The following RAD51B variants were observed in gnomAD, a reference collection of about 807,000 sequenced individuals.
The protein encoded by RAD51B is RAD51 paralog B.
RAD51B carries 38 observed loss-of-function variants against 42.2 expected under a neutral mutation model. The observed-to-expected ratio is 0.90, with a 90% CI of 0.70 to 1.18. RAD51B has a LOEUF of 1.18. Ranked by LOEUF, RAD51B falls within the 50% of genes most tolerant of loss-of-function variation. RAD51B has a pLI of 0.00. For synonymous variants in RAD51B, 154 were observed against 145.2 expected, an observed-to-expected ratio of 1.06 and a Z score of -0.43; for missense variants, 373 against 400.7, an observed-to-expected ratio of 0.93 and a Z score of 0.59.
At chr14:68,472,744 A>C (rs189730829) in intron 10 of RAD51B, among the ~76,000 whole-genome samples, 1 of 152,346 alleles carries the variant, frequency 6.6e-6, no homozygotes, top group African/African-American at 2.4e-5. Flanking sequence ...ACCCTGAGAC[A>C]GGTCCGGAGA....
intron 4 of RAD51B, among the ~76,000 whole-genome samples, chr14:67,861,572 T>C (rs1373219005): frequency 7.6e-6 from 1 of 132,232 alleles, no homozygotes; most frequent in African/African-American, 2.8e-5. Context: ...TGAGAACCTG[T>C]CTTTAAAAAA....
intron 10 of RAD51B, among the ~76,000 whole-genome samples, chr14:68,539,379 A>G (rs1344477427): frequency 6.6e-6 from 1 of 152,022 alleles, no homozygotes; most frequent in Non-Finnish European, 1.5e-5. Flanking sequence ...GCCCCCAGCC[A>G]CAGCCTCCTT....
intron 10 of RAD51B, among the ~76,000 whole-genome samples, chr14:68,641,839 G>A (rs11158756): frequency 0.2 from 29,486 of 150,822 alleles, 3,031 homozygotes; most frequent in South Asian, 0.24. Flanking sequence ...GGGATTATAG[G>A]TGTGAGCCAC....
At chr14:67,937,334 T>A (rs946582365) in intron 7 of RAD51B, among the ~76,000 whole-genome samples, 31 of 152,154 alleles carry the variant, frequency 2.0e-4, no homozygotes, top group Admixed American at 1.6e-3. Context: ...TGATAGGGAT[T>A]GGGGTAGTGA....
chr14:68,467,912 T>G (rs1265276034), intron 9 of RAD51B, among the ~76,000 whole-genome samples: 1 of 152,228 alleles, frequency 6.6e-6, no homozygotes, highest in Non-Finnish European at 1.5e-5. Context: ...ATAATGAGAC[T>G]TATTTCTAGA....
At chr14:68,604,251 C>G (rs985566285) in intron 10 of RAD51B, among the ~76,000 whole-genome samples, 1 of 151,844 alleles carries the variant, frequency 6.6e-6, no homozygotes, top group Non-Finnish European at 1.5e-5. Flanking sequence ...GCTGAAACTC[C>G]GAGAAACTCC....
intron 9 of RAD51B, among the ~76,000 whole-genome samples, chr14:68,457,848 C>G (rs1450860994): frequency 7.0e-6 from 1 of 143,470 alleles, no homozygotes. Context: ...CTCCTGACCT[C>G]GTGATACGCC....
At chr14:68,599,416 C>G (rs1359079908), downstream of RAD51B, among the ~76,000 whole-genome samples, 2 of 152,118 alleles carry the variant, frequency 1.3e-5, no homozygotes. Context: ...GTAGAGGAAC[C>G]GTGGGGTGAG....
chr14:67,828,314 C>G (rs1034949829), intron 3 of RAD51B, among the ~76,000 whole-genome samples: 6 of 149,370 alleles, frequency 4.0e-5, no homozygotes, highest in Non-Finnish European at 7.4e-5. Context: ...TGTTCATGTT[C>G]TTAGCCCACT....
intron 7 of RAD51B, among the ~76,000 whole-genome samples, chr14:68,217,608 T>C (rs2079842784): frequency 6.6e-6 from 1 of 152,186 alleles, no homozygotes; most frequent in Non-Finnish European, 1.5e-5. Flanking sequence ...GGGTCTGTTC[T>C]GAACACTGAA....
intron 10 of RAD51B, among the ~76,000 whole-genome samples, chr14:68,602,851 C>T (rs1408152004): frequency 6.6e-6 from 1 of 152,182 alleles, no homozygotes; most frequent in Non-Finnish European, 1.5e-5. Flanking sequence ...TCATGCTTTT[C>T]ATCTGGTCAG....
At chr14:68,331,912 G>C (rs2082359369) in intron 8 of RAD51B, among the ~76,000 whole-genome samples, 1 of 150,510 alleles carries the variant, frequency 6.6e-6, no homozygotes, top group African/African-American at 2.5e-5. Flanking sequence ...GCTGAATATG[G>C]TGATTTTGAT....
At chr14:67,976,699 G>A (rs1205333783) in intron 7 of RAD51B, among the ~76,000 whole-genome samples, 1 of 151,972 alleles carries the variant, frequency 6.6e-6, no homozygotes, top group Non-Finnish European at 1.5e-5. Context: ...GGCAACAAAA[G>A]CCAAAATTGA....
At chr14:67,870,433 A>G (rs1052068441) in intron 5 of RAD51B, among the ~76,000 whole-genome samples, 1 of 148,190 alleles carries the variant, frequency 6.7e-6, no homozygotes, top group South Asian at 2.2e-4. Context: ...CAGATTCATA[A>G]TGCAAGTCCT....
chr14:67,923,021 C>T (rs2044378743), intron 7 of RAD51B, among the ~76,000 whole-genome samples: 1 of 152,056 alleles, frequency 6.6e-6, no homozygotes, highest in African/African-American at 2.4e-5. Context: ...CCTCACCTGC[C>T]TCCTGCCCTT....
chr14:68,273,045 G>A (rs1314146790), intron 7 of RAD51B, among the ~76,000 whole-genome samples: 2 of 151,978 alleles, frequency 1.3e-5, no homozygotes, highest in East Asian at 3.9e-4. Context: ...GTCCTGTGGG[G>A]TCCTGAAAGC....
At chr14:68,490,133 C>G (rs1434554632) in intron 10 of RAD51B, among the ~76,000 whole-genome samples, 1 of 152,126 alleles carries the variant, frequency 6.6e-6, no homozygotes, top group Non-Finnish European at 1.5e-5. Flanking sequence ...GACTTCTGTG[C>G]AGAATGGTTT....
intron 7 of RAD51B, among the ~76,000 whole-genome samples, chr14:68,049,046 A>C (rs1466935938): frequency 6.6e-6 from 1 of 152,192 alleles, no homozygotes; most frequent in Non-Finnish European, 1.5e-5. Flanking sequence ...TGATGAGTTC[A>C]TGTCCTTTGT....
At chr14:68,028,669 G>A (rs1040637244) in intron 7 of RAD51B, among the ~76,000 whole-genome samples, 2 of 152,228 alleles carry the variant, frequency 1.3e-5, no homozygotes, top group Admixed American at 6.5e-5. Context: ...GAGGAGCAGA[G>A]CATCCAGGCT....
Sources: allele counts gnomAD v4.1 joint callset (sites outside exome capture counted in the v4.1 genomes callset), GRCh38; gene constraint gnomAD v4.1.1; transcripts MANE v1.5; gene names NCBI Gene and HGNC (gene_info 2026-07-23, HGNC 2026-07-21).